RIOK2: variants seen among roughly 807,000 people sequenced by gnomAD.
The protein encoded by RIOK2 is serine/threonine-protein kinase RIO2.
In RIOK2, 46 loss-of-function variants were observed where a neutral mutation model predicts 62.4. That is an observed-to-expected ratio of 0.74 (90% CI 0.58 to 0.94). RIOK2 has a LOEUF of 0.94. RIOK2 is among the 40% of genes least tolerant of loss of function. The pLI is 0.00. For missense variants in RIOK2, 574 were observed against 658.0 expected, an observed-to-expected ratio of 0.87 and a Z score of 1.40; for synonymous variants, 197 against 216.0, an observed-to-expected ratio of 0.91 and a Z score of 0.77.
chr5:97,176,981 A>G, intron 4 of RIOK2, 135 bp downstream of exon 4: 1 of 730,170 alleles, frequency 1.4e-6, no homozygotes, highest in South Asian at 1.7e-5. Context: ...GTTATTTAAG[A>G]TTGAGTCTGT....
intron 8 of RIOK2, chr5:97,167,015 C>G: frequency 4.2e-6 from 2 of 474,006 alleles, no homozygotes; most frequent in Non-Finnish European, 5.6e-6. Flanking sequence ...CTCCCAGGTT[C>G]AAGTGATTCT....
intron 1 of RIOK2, among the ~76,000 whole-genome samples, chr5:97,180,698 A>G (rs566495722): frequency 6.6e-6 from 1 of 152,234 alleles, no homozygotes; most frequent in Admixed American, 6.5e-5. Context: ...ACTCCGGAGA[A>G]CTAAGACAGA....
chr5:97,167,420 A>C (rs1278329054), intron 8 of RIOK2, 47 bp downstream of exon 8: 1 of 1,572,574 alleles, frequency 6.4e-7, no homozygotes, highest in African/African-American at 1.4e-5. Context: ...CTAACAAAGT[A>C]TCAGTCTCAA....
chr5:97,181,877 A>G (rs910468580), intron 1 of RIOK2, among the ~76,000 whole-genome samples: 3 of 152,254 alleles, frequency 2.0e-5, no homozygotes, highest in African/African-American at 7.2e-5. Context: ...GAGAAAGTCC[A>G]GCTGATTAGA....
chr5:97,171,391 C>G lies in RIOK2; in HGVS notation c.594G>C (p.Gln198His), dbSNP rs142306998. The G allele has an allele frequency of 6.6e-7, 1 of 1,523,128 alleles. No homozygotes were observed. The highest frequency in any genetic ancestry group is 1.4e-5 in the African/African-American group (1 of 71,524). The allele number at this position is 1,523,128 out of a possible 1,614,324, so 94.4% of individuals were successfully genotyped here. A position where few individuals can be genotyped will look rare whatever the true frequency, so the allele number is the denominator to read the frequency against. ...ATGCAGGATCTTCAACATGGTGTAT[C>G]TGACATCTGAAAGTATTTTAAGCAT... ...MELINGYPLC[Q>H]IHHVEDPASV... is the part of the protein sequence containing the mutation. Residue 198 changes from glutamine (Q) to histidine (H), a missense_variant, in exon 6 of 10, where the codon CAG becomes CAC. Gln to His is a conservative substitution (Grantham distance 24). Coordinates refer to ENST00000283109, the MANE Select transcript of RIOK2 (RefSeq NM_018343.3).
intron 8 of RIOK2, chr5:97,167,234 T>G: frequency 7.1e-7 from 1 of 1,404,236 alleles, no homozygotes; most frequent in South Asian, 1.6e-5. Flanking sequence ...CAGTTTGTAT[T>G]TTAAGGCAGA....
chr5:97,167,585 T>C lies in RIOK2; in HGVS notation c.1279A>G (p.Asn427Asp). The C allele has an allele frequency of 6.2e-7, 1 of 1,614,258 alleles. No homozygotes were observed. Among genetic ancestry groups the C allele is most frequent in the Non-Finnish European group, 8.5e-7 (1 of 1,180,030 alleles). The change falls in exon 8 of 10, where the codon AAC becomes GAC. Residue 427 changes from asparagine to aspartate, a missense_variant. Transcript: ENST00000283109. ...SEEKNRTENY[N>D]RQDGQRVQGG... The stretch of plus-strand genomic sequence containing the variant: ...TGAACTCTCTGACCATCTTGCCTGT[T>C]GTAATTTTCAGTTCTGTTTTTCTCC...
At chr5:97,164,378 GTA>G (rs1227041653) in intron 9 of RIOK2, among the ~76,000 whole-genome samples, 2 of 152,036 alleles carry the variant, frequency 1.3e-5, no homozygotes, top group Non-Finnish European at 2.9e-5. Context: ...GTAGGCGCCT[GTA>G]ATCCAAGCTA....
At chr5:97,177,001 T>C (rs1749184542) in intron 4 of RIOK2, 115 bp downstream of exon 4, 2 of 851,494 alleles carry the variant, frequency 2.3e-6, no homozygotes, top group African/African-American at 3.4e-5. Context: ...TCTGTAGGAA[T>C]TGAGTCTAAG....
rs1235599566 is a variant in RIOK2, at chr5:97,162,733, A to ATTG, written c.*325_*327dup. ...TTGAATGCTTAAGAATGTGCTAAAC[A>ATTG]TTGTTCTAATTGCTTTATGTGCATT... is the stretch of plus-strand genomic sequence containing the variant. On this transcript the variant is annotated 3_prime_UTR_variant, in exon 10 of 10. Transcript: ENST00000283109. 6 of 202,230 alleles carry ATTG rather than the reference A, an allele frequency of 3.0e-5. No homozygotes were observed. In the East Asian group the frequency reaches 8.2e-4, roughly 28 times the overall value. 12.5% of individuals were successfully genotyped at this position (202,230 alleles called of 1,614,324 possible). A position where few individuals can be genotyped will look rare whatever the true frequency, so the allele number is the denominator to read the frequency against.
At chr5:97,177,093 T>C (rs1459861427) in intron 4 of RIOK2, 23 bp downstream of exon 4, 2 of 1,596,818 alleles carry the variant, frequency 1.3e-6, no homozygotes, top group Non-Finnish European at 1.7e-6. Flanking sequence ...AAAAAATGCA[T>C]GACTACAAAA....
intron 1 of RIOK2, 101 bp downstream of exon 1, chr5:97,183,025 G>C: frequency 8.1e-7 from 1 of 1,241,106 alleles, no homozygotes; most frequent in Non-Finnish European, 1.2e-6. Context: ...CACGTCCCGG[G>C]TCCCAGAGTG....
intron 4 of RIOK2, among the ~76,000 whole-genome samples, chr5:97,173,815 C>T (rs1749083589): frequency 6.6e-6 from 1 of 152,176 alleles, no homozygotes; most frequent in South Asian, 2.1e-4. Flanking sequence ...GAAAAATATA[C>T]ACTGTTGTAG....
intron 1 of RIOK2, among the ~76,000 whole-genome samples, chr5:97,180,025 A>AT (rs1363463210): frequency 2.4e-4 from 17 of 71,170 alleles, no homozygotes; most frequent in South Asian, 1.3e-3. Context: ...TAATATATAT[A>AT]TAATATATAT....
intron 4 of RIOK2, 81 bp downstream of exon 4, chr5:97,177,035 G>T: frequency 8.5e-7 from 1 of 1,172,486 alleles, no homozygotes; most frequent in Non-Finnish European, 1.2e-6. Context: ...GGGGACAACA[G>T]AATCACACTT....
At position 97,177,813 on chromosome 5, in the gene RIOK2, C is replaced by T. The variant is rs1006526416; in HGVS notation, c.241G>A (p.Asp81Asn). The part of the protein sequence containing the change: ...QGYRLTNAGY[D>N]YLALKTLSSR... ...GAAAGTGTTTTCAAAGCTAGGTAAT[C>T]ATATCCTGCATTTGTCAACCGATAG... Residue 81 changes from aspartate to asparagine, a missense_variant, in exon 3 of 10, where the codon GAT (aspartate) becomes AAT (asparagine). By Grantham distance (23) the Asp-to-Asn change is conservative. Transcript: ENST00000283109. 1.2e-6 allele frequency: 2 copies of T among 1,613,316 alleles called. No homozygotes were observed. Among genetic ancestry groups the T allele is most frequent in the Non-Finnish European group, 8.5e-7 (1 of 1,179,610 alleles).
intron 6 of RIOK2, among the ~76,000 whole-genome samples, chr5:97,170,315 T>G (rs1748966064): frequency 6.6e-6 from 1 of 152,234 alleles, no homozygotes; most frequent in Admixed American, 6.5e-5. Flanking sequence ...AGAATATGAT[T>G]ATCGCAGTAT....
At chr5:97,177,062 A>G in intron 4 of RIOK2, 54 bp downstream of exon 4, 1 of 1,459,572 alleles carries the variant, frequency 6.9e-7, no homozygotes, top group Non-Finnish European at 9.5e-7. Flanking sequence ...AAGGCCTTTG[A>G]GACACATGTA....
intron 5 of RIOK2, 97 bp downstream of exon 5, chr5:97,173,078 A>G: frequency 1.3e-6 from 1 of 759,314 alleles, no homozygotes; most frequent in South Asian, 1.9e-5. Context: ...AACCTCCCAG[A>G]GGCAATATTT....
Sources: allele counts gnomAD v4.1 joint callset (sites outside exome capture counted in the v4.1 genomes callset), GRCh38; gene constraint gnomAD v4.1.1; transcripts MANE v1.5; gene names NCBI Gene and HGNC (gene_info 2026-07-23, HGNC 2026-07-21).